Variants in ENOSF1 observed in about 807,000 individuals in gnomAD.
ENOSF1 encodes enolase superfamily member 1.
ENOSF1 carries 73 observed loss-of-function variants against 68.2 expected under a neutral mutation model. That is an observed-to-expected ratio of 1.07 (90% CI 0.89 to 1.30). The LOEUF (loss-of-function observed/expected upper bound fraction) is 1.30. ENOSF1 is among the 50% of genes most tolerant of loss of function. ENOSF1 has a pLI of 0.00. For missense variants in ENOSF1, 589 were observed against 554.5 expected, an observed-to-expected ratio of 1.06 and a Z score of -0.62; for synonymous variants, 223 against 210.4, an observed-to-expected ratio of 1.06 and a Z score of -0.52.
At chr18:709,708 T>C (rs2079307956) in intron 1 of ENOSF1, among the ~76,000 whole-genome samples, 1 of 151,840 alleles carries the variant, frequency 6.6e-6, no homozygotes, top group Non-Finnish European at 1.5e-5. Flanking sequence ...GAGGCAGAGG[T>C]TGCAGTGAGA....
Position 674,343 on chromosome 18 carries a change from C to A in ENOSF1, c.1294G>T (p.Glu432Ter). The change falls in exon 16 of 16, where the codon GAA (glutamate) becomes TAA (stop). Residue 432 changes from glutamate to a stop codon, truncating the protein, a stop_gained. Coordinates refer to ENST00000647584, the MANE Select transcript of ENOSF1 (RefSeq NM_017512.7). LOFTEE classifies it high-confidence loss of function. ...SVKKHQYPDG[E>*]VWKKLLPAQE... ...GCAGGAAGGAGTTTCTTCCAAACTT[C>A]ACCATCTGGATACTGGTGTTTCTTT... The A allele has an allele frequency of 6.2e-7, 1 of 1,612,738 alleles. No homozygotes were observed. Among genetic ancestry groups the A allele is most frequent in the Non-Finnish European group, 8.5e-7 (1 of 1,179,478 alleles).
rs58489074 is a variant in ENOSF1, at chr18:671,785, C to CT, written c.*2519dup. 28,728 of 244,250 alleles carry CT rather than the reference C, an allele frequency of 0.12. 1,329 individuals are homozygous for CT. Among genetic ancestry groups the CT allele is most frequent in the Non-Finnish European group, 0.14 (17,782 of 128,312 alleles). 15.1% of individuals were successfully genotyped at this position (244,250 alleles called of 1,614,324 possible). On this transcript the variant is annotated 3_prime_UTR_variant, in exon 16 of 16. Transcript: ENST00000647584. ...TTGAAGTGCAAATGTTTTTCCTTTT[C>CT]TTTTTTTTTTGAGATGGAGTCTTTC...
intron 11 of ENOSF1, chr18:682,922 C>CA (rs71174270): frequency 0.15 from 29,078 of 192,784 alleles, 1,776 homozygotes; most frequent in Admixed American, 0.24. Context: ...CACCAAAAAA[C>CA]AAAAAAAAAA....
At chr18:704,569 G>T (rs77857366) in intron 2 of ENOSF1, among the ~76,000 whole-genome samples, 5,094 of 149,620 alleles carry the variant, frequency 0.034, 106 homozygotes, top group East Asian at 0.086. Flanking sequence ...CAATAAGTTC[G>T]TGTGCTCCTT....
intron 2 of ENOSF1, among the ~76,000 whole-genome samples, chr18:703,837 G>A (rs1047058669): frequency 1.3e-5 from 2 of 152,148 alleles, no homozygotes; most frequent in Non-Finnish European, 2.9e-5. Flanking sequence ...CTTGGAGGTG[G>A]ATTTCTCCTG....
chr18:679,493 GC>G (rs2075867447), intron 11 of ENOSF1, among the ~76,000 whole-genome samples: 1 of 151,712 alleles, frequency 6.6e-6, no homozygotes, highest in Admixed American at 6.6e-5. Context: ...ACAGGTGTGA[GC>G]CACTGCACCT....
intron 14 of ENOSF1, 198 bp from the exon 15 acceptor site, chr18:675,600 G>A (rs1484693402): frequency 1.7e-6 from 1 of 577,250 alleles, no homozygotes; most frequent in East Asian, 2.9e-5. Flanking sequence ...GCAATGTGAG[G>A]TGGGGACTTT....
At chr18:667,010 GTGATGGAGATGGA>G (rs2074845609), downstream of ENOSF1, among the ~76,000 whole-genome samples, 1 of 7,328 alleles carries the variant, frequency 1.4e-4, no homozygotes, top group South Asian at 5.2e-3. Flanking sequence ...GATGGTGATG[GTGATGGAGATGGA>G]GATGGTGATG....
chr18:705,399 A>G (rs192225932), intron 2 of ENOSF1, among the ~76,000 whole-genome samples: 139 of 152,328 alleles, frequency 9.1e-4, no homozygotes, highest in Non-Finnish European at 2.4e-4. Context: ...AAAGTTCTGA[A>G]GAGAAAGTGC....
downstream of ENOSF1, chr18:670,295 G>C: frequency 6.3e-6 from 1 of 158,736 alleles, no homozygotes; most frequent in Non-Finnish European, 1.4e-5. Context: ...TCCCAGTGTT[G>C]GGATTTCAGG....
At chr18:666,975 AGATGGAGATGGTGATGGT>A (rs1567989684), downstream of ENOSF1, among the ~76,000 whole-genome samples, 3 of 14,990 alleles carry the variant, frequency 2.0e-4, no homozygotes, top group Non-Finnish European at 2.3e-4. Context: ...ATGGTGATGG[AGATGGAGATGGTGATGGT>A]GATGGAGATG....
chr18:678,212 GCACAGATGACAA>G (rs1365915693), intron 12 of ENOSF1: 1 of 299,288 alleles, frequency 3.3e-6, no homozygotes, highest in African/African-American at 2.2e-5. Flanking sequence ...TGAGCAGGTG[GCACAGATGACAA>G]CACGGAACCA....
chr18:670,614 C>T lies in ENOSF1; in HGVS notation c.*3691G>A. ...CCACCATATGAGTTGGCTTCTGTTT[C>T]TCTCCTGTTTTACTTTGCCTTTAGC... On this transcript the variant is annotated 3_prime_UTR_variant, in exon 16 of 16. Coordinates refer to ENST00000647584, the MANE Select transcript of ENOSF1 (RefSeq NM_017512.7). 1 of 1,515,846 alleles carries T rather than the reference C, an allele frequency of 6.6e-7. No homozygotes were observed. 93.9% of individuals were successfully genotyped at this position (1,515,846 alleles called of 1,614,324 possible). A position where few individuals can be genotyped will look rare whatever the true frequency, so the allele number is the denominator to read the frequency against.
chr18:712,250 C>G (rs1190424694), intron 1 of ENOSF1: 3 of 1,519,350 alleles, frequency 2.0e-6, no homozygotes, highest in Non-Finnish European at 2.6e-6. Flanking sequence ...CTCCCCCAGG[C>G]GCGCCTCCCA....
At position 674,080 on chromosome 18, in the gene ENOSF1, G is replaced by A; in HGVS notation, c.*225C>T. 2.5e-6 allele frequency: 1 copy of A among 402,920 alleles called. No individual in the cohort carries two copies. The highest frequency in any genetic ancestry group is 4.0e-5 in the South Asian group (1 of 24,764). The allele number at this position is 402,920 out of a possible 1,614,324, so 25.0% of individuals were successfully genotyped here. On this transcript the variant is annotated 3_prime_UTR_variant, in exon 16 of 16. Coordinates refer to ENST00000647584, the MANE Select transcript of ENOSF1 (RefSeq NM_017512.7). ...TTGTAAGAACATCCTCCTGGACTTT[G>A]GGTTAGTTAAATCTAAACTTATTTA... is the stretch of plus-strand genomic sequence containing the variant.
intron 2 of ENOSF1, among the ~76,000 whole-genome samples, chr18:698,084 G>A (rs1329481621): frequency 1.3e-5 from 2 of 152,236 alleles, no homozygotes; most frequent in Admixed American, 1.3e-4. Context: ...ATAAGCCACT[G>A]TGCCCAGCCC....
chr18:705,689 T>G (rs2078851667), intron 2 of ENOSF1, among the ~76,000 whole-genome samples: 1 of 151,644 alleles, frequency 6.6e-6, no homozygotes, highest in Admixed American at 6.6e-5. Flanking sequence ...ATGAAAATAG[T>G]GAACTGGAAA....
intron 2 of ENOSF1, among the ~76,000 whole-genome samples, chr18:699,028 TG>T (rs1462142505): frequency 2.6e-5 from 4 of 152,162 alleles, no homozygotes; most frequent in African/African-American, 7.2e-5. Flanking sequence ...TTAAATTTTT[TG>T]TAGTGACAAG....
At chr18:710,135 G>GTT (rs1414602287) in intron 1 of ENOSF1, among the ~76,000 whole-genome samples, 1 of 151,612 alleles carries the variant, frequency 6.6e-6, no homozygotes, top group Non-Finnish European at 1.5e-5. Context: ...TTGAGACAGG[G>GTT]TCTCTCTCTC....
Sources: allele counts gnomAD v4.1 joint callset (sites outside exome capture counted in the v4.1 genomes callset), GRCh38; gene constraint gnomAD v4.1.1; transcripts MANE v1.5; gene names NCBI Gene and HGNC (gene_info 2026-07-23, HGNC 2026-07-21).